The following APBB2 variants were observed in gnomAD, a reference collection of about 807,000 sequenced individuals.
APBB2 encodes amyloid beta precursor protein binding family B member 2.
Under a neutral mutation model 82.5 loss-of-function variants are expected in APBB2, and 38 were observed. That is an observed-to-expected ratio of 0.46 (90% confidence interval 0.36 to 0.60). The LOEUF (loss-of-function observed/expected upper bound fraction) is 0.60. Ranked by LOEUF, APBB2 falls within the 20% of genes least tolerant of loss-of-function variation. APBB2 has a pLI of 0.00. For synonymous variants in APBB2, 341 were observed against 368.2 expected (o/e 0.93, Z 0.85); for missense variants, 772 against 972.3 (o/e 0.79, Z 2.74).
intron 6 of APBB2, among the ~76,000 whole-genome samples, chr4:40,953,296 CAAA>C (rs35104971): frequency 2.1e-5 from 2 of 95,298 alleles, no homozygotes. Flanking sequence ...AACTCCATCT[CAAA>C]AAAAAAAAAA....
rs1752352722 is a variant in APBB2, at chr4:40,832,478, G to C, written c.1530-1901C>G. On this transcript the variant is annotated intron_variant, in intron 12 of 17. Coordinates refer to ENST00000508593, the MANE Select transcript of APBB2 (RefSeq NM_004307.2). The surrounding 1 kb of genome is among the most constrained non-coding windows in gnomAD (Gnocchi z 4.8). ...CCTACTCCTGCTTCCTCACGTTCTAGCTCAGTGTCCTCCATGCTAGAACCG... is the reference window on the plus strand; with the variant it reads ...CCTACTCCTGCTTCCTCACGTTCTACCTCAGTGTCCTCCATGCTAGAACCG... Among the ~76,000 whole-genome samples, 1 of 152,124 alleles carries C rather than the reference G, an allele frequency of 6.6e-6. No individual in the cohort carries two copies. The highest frequency in any genetic ancestry group is 1.9e-4 in the East Asian group (1 of 5,192).
At chr4:41,178,619 C>T (rs575891573) in intron 1 of APBB2, among the ~76,000 whole-genome samples, 59 of 152,320 alleles carry the variant, frequency 3.9e-4, no homozygotes, top group African/African-American at 1.3e-3. Flanking sequence ...TCTATCAAGG[C>T]TCACATCACC....
At chr4:40,997,179 C>T (rs952330868) in intron 6 of APBB2, among the ~76,000 whole-genome samples, 4 of 152,126 alleles carry the variant, frequency 2.6e-5, no homozygotes, top group African/African-American at 7.2e-5. Flanking sequence ...TATATAAACC[C>T]CTAAGTTTAG....
rs538844799 is a variant in APBB2, at chr4:41,158,972, G to A, written c.-416-15830C>T. ...TCTATGACCTGGGCTCAGGAATCCC[G>A]GACACAGTTCCAAATCAAGGACATG... is the stretch of plus-strand genomic sequence containing the variant. On this transcript the variant is annotated intron_variant, in intron 1 of 17. Coordinates refer to ENST00000508593, the MANE Select transcript of APBB2 (RefSeq NM_004307.2). Among the ~76,000 whole-genome samples the A allele has an allele frequency of 4.3e-4, 66 of 152,156 alleles. No individual in the cohort carries two copies. In the Middle Eastern group the frequency reaches 0.01, roughly 24 times the overall value.
chr4:40,988,664 CAAA>C (rs373935285), intron 6 of APBB2, among the ~76,000 whole-genome samples: 14 of 114,586 alleles, frequency 1.2e-4, no homozygotes, highest in Admixed American at 3.2e-4. Context: ...AAGACTGTCT[CAAA>C]AAAAAAAAAA....
At chr4:40,966,437 C>T (rs1794673890) in intron 6 of APBB2, among the ~76,000 whole-genome samples, 1 of 152,184 alleles carries the variant, frequency 6.6e-6, no homozygotes, top group South Asian at 2.1e-4. Context: ...GTGAATGCTG[C>T]CCCACCTTCC....
chr4:41,129,098 T>C (rs1359914445), intron 2 of APBB2, among the ~76,000 whole-genome samples: 1 of 151,962 alleles, frequency 6.6e-6, no homozygotes. Flanking sequence ...CCCACCACAA[T>C]CCTGGCCATT....
chr4:41,211,894 G>C (rs780644657), intron 1 of APBB2, among the ~76,000 whole-genome samples: 5 of 152,314 alleles, frequency 3.3e-5, no homozygotes, highest in Non-Finnish European at 5.9e-5. Context: ...AGGATGTGCA[G>C]ATTTGTTACA....
intron 6 of APBB2, among the ~76,000 whole-genome samples, chr4:40,987,030 A>C (rs1239068674): frequency 6.6e-6 from 1 of 152,342 alleles, no homozygotes; most frequent in South Asian, 2.1e-4. Flanking sequence ...GCCAAAAATC[A>C]TATCAGTTAA....
At chr4:41,101,316 T>C (rs1194418153) in intron 2 of APBB2, among the ~76,000 whole-genome samples, 3 of 147,330 alleles carry the variant, frequency 2.0e-5, no homozygotes, top group East Asian at 4.0e-4. Context: ...TACAAAAAAT[T>C]AGCCGGGCGC....
intron 6 of APBB2, among the ~76,000 whole-genome samples, chr4:40,982,458 AATGAATT>A (rs1799330471): frequency 1.2e-5 from 1 of 82,190 alleles, no homozygotes; most frequent in Non-Finnish European, 2.7e-5. Context: ...AGAAAGAATG[AATGAATT>A]TGAGACCAGA....
At chr4:40,925,468 G>C (rs1343060191) in intron 10 of APBB2, among the ~76,000 whole-genome samples, 2 of 152,066 alleles carry the variant, frequency 1.3e-5, no homozygotes, top group Admixed American at 1.3e-4. Context: ...TTTAAACCCG[G>C]GCAGTCTGGG....
chr4:40,856,980 C>T, intron 12 of APBB2: 1 of 985,556 alleles, frequency 1.0e-6, no homozygotes, highest in Admixed American at 6.1e-5. Flanking sequence ...TCCCCCTGAA[C>T]GCACCTGCAA....
At chr4:40,956,269 G>A (rs965020997) in intron 6 of APBB2, among the ~76,000 whole-genome samples, 2 of 152,136 alleles carry the variant, frequency 1.3e-5, no homozygotes, top group African/African-American at 4.8e-5. Flanking sequence ...AGGACTCTGG[G>A]TTTAGATCAT....
chr4:40,856,966 C>G, intron 12 of APBB2: 1 of 985,538 alleles, frequency 1.0e-6, no homozygotes, highest in Non-Finnish European at 1.2e-6. Flanking sequence ...GGCTCGACCC[C>G]CGTTCCCCCT....
At chr4:40,839,045 T>C (rs950680517) in intron 12 of APBB2, among the ~76,000 whole-genome samples, 1 of 152,084 alleles carries the variant, frequency 6.6e-6, no homozygotes, top group Non-Finnish European at 1.5e-5. Flanking sequence ...GAATAATATA[T>C]ATATGTCTTC....
chr4:41,168,934 C>A (rs892528024), intron 1 of APBB2, among the ~76,000 whole-genome samples: 1 of 151,096 alleles, frequency 6.6e-6, no homozygotes, highest in African/African-American at 2.4e-5. Flanking sequence ...TGCCTGTAAT[C>A]CCAGCACTTT....
intron 6 of APBB2, among the ~76,000 whole-genome samples, chr4:40,982,221 G>GAAAAA: frequency 7.8e-5 from 1 of 12,884 alleles, no homozygotes; most frequent in East Asian, 2.7e-3. Flanking sequence ...AGAAAAGAAA[G>GAAAAA]GAAAGAAAGA....
intron 2 of APBB2, among the ~76,000 whole-genome samples, chr4:41,120,966 T>C (rs1752636734): frequency 6.6e-6 from 1 of 152,254 alleles, no homozygotes; most frequent in Non-Finnish European, 1.5e-5. Flanking sequence ...GTTAACTTCT[T>C]GTACCTGAAA....
Sources: gnomAD v4.1 joint callset for allele counts (sites outside exome capture counted in the v4.1 genomes callset) on GRCh38, gnomAD v4.1.1 for gene constraint, Gnocchi (gnomAD v3.1) non-coding constraint, MANE v1.5 for transcripts, NCBI Gene and HGNC (gene_info 2026-07-23, HGNC 2026-07-21) for gene names.